Variants in GRIN2A observed in about 807,000 individuals in gnomAD.
GRIN2A encodes the protein glutamate ionotropic receptor NMDA type subunit 2A.
A neutral mutation model predicts 113.4 loss-of-function variants in GRIN2A; 22 were observed. The ratio of observed to expected loss-of-function variants is 0.19; its 90% CI spans 0.14 to 0.28. The LOEUF is 0.28. Ranked by LOEUF, GRIN2A falls within the 10% of genes least tolerant of loss-of-function variation. The pLI is 1.00. For missense variants in GRIN2A, 1,502 were observed against 1,887.0 expected, an observed-to-expected ratio of 0.80 and a Z score of 3.78; for synonymous variants, 827 against 738.4, an observed-to-expected ratio of 1.12 and a Z score of -1.94.
chr16:10,143,578 A>AC (rs1412380205), intron 2 of GRIN2A, among the ~76,000 whole-genome samples: 10 of 152,222 alleles, frequency 6.6e-5, no homozygotes, highest in African/African-American at 2.4e-4. Flanking sequence ...TAATATACTT[A>AC]CTGAAACTTT....
intron 4 of GRIN2A, among the ~76,000 whole-genome samples, chr16:9,878,854 GACACACACAC>G (rs35475437): frequency 6.7e-6 from 1 of 149,112 alleles, no homozygotes; most frequent in Non-Finnish European, 1.5e-5. Context: ...ACCAGTGCAA[GACACACACAC>G]ACACACACAC....
At chr16:10,064,622 G>T (rs7190475) in intron 2 of GRIN2A, among the ~76,000 whole-genome samples, 75,638 of 152,018 alleles carry the variant, frequency 0.5, 19,446 homozygotes, top group African/African-American at 0.63. Flanking sequence ...TATTTGAAAT[G>T]GCAAGAGAAA....
intron 2 of GRIN2A, among the ~76,000 whole-genome samples, chr16:10,086,352 T>C (rs1424767809): frequency 6.6e-6 from 1 of 152,080 alleles, no homozygotes; most frequent in Non-Finnish European, 1.5e-5. Flanking sequence ...GGAGCAATGA[T>C]GCCAAAAATA....
intron 5 of GRIN2A, among the ~76,000 whole-genome samples, chr16:9,843,878 G>C (rs1383679684): frequency 6.6e-6 from 1 of 152,182 alleles, no homozygotes; most frequent in Non-Finnish European, 1.5e-5. Flanking sequence ...AGTTAAAACT[G>C]CCACAAATAT....
At chr16:9,779,080 G>C (rs192466184) in intron 11 of GRIN2A, among the ~76,000 whole-genome samples, 1 of 152,232 alleles carries the variant, frequency 6.6e-6, no homozygotes, top group Non-Finnish European at 1.5e-5. Flanking sequence ...CCAACTAGTG[G>C]TACATAAAAG....
rs113721965 is a variant in GRIN2A at position 10,078,991 on chromosome 16, C to A, written c.414+101007G>T. Among the ~76,000 whole-genome samples the A allele has an allele frequency of 5.1e-3, 778 of 152,340 alleles. 8 individuals carry two copies. Among genetic ancestry groups the A allele is most frequent in the African/African-American group, 0.018 (745 of 41,578 alleles). ...GACAGTGACAACAATAACAATACAG[C>A]CTTATGCTCATAGCTCCATTCATTC... On this transcript the variant is annotated intron_variant, in intron 2 of 12. Coordinates refer to ENST00000330684, the MANE Select transcript of GRIN2A (RefSeq NM_001134407.3).
At chr16:9,914,733 C>A (rs952673234) in intron 3 of GRIN2A, among the ~76,000 whole-genome samples, 12 of 151,796 alleles carry the variant, frequency 7.9e-5, no homozygotes, top group African/African-American at 2.7e-4. Flanking sequence ...GCTATAACAG[C>A]TTAATCACCT....
intron 2 of GRIN2A, among the ~76,000 whole-genome samples, chr16:9,987,870 A>G (rs1009429494): frequency 6.6e-6 from 1 of 152,198 alleles, no homozygotes; most frequent in African/African-American, 2.4e-5. Context: ...ACAAAAGCCA[A>G]CATCTTTCCA....
chr16:9,897,563 A>G (rs1333043954), intron 3 of GRIN2A, among the ~76,000 whole-genome samples: 2 of 152,208 alleles, frequency 1.3e-5, no homozygotes, highest in Admixed American at 1.3e-4. Flanking sequence ...GTAAAAATAC[A>G]CACAGAATTT....
chr16:10,034,097 C>T (rs775015684), intron 2 of GRIN2A, among the ~76,000 whole-genome samples: 1 of 152,148 alleles, frequency 6.6e-6, no homozygotes, highest in African/African-American at 2.4e-5. Context: ...GCCAGGCGGC[C>T]GTGAGAACTG....
intron 11 of GRIN2A, among the ~76,000 whole-genome samples, chr16:9,788,741 T>TTC (rs199730025): frequency 0.34 from 45,050 of 133,794 alleles, 7,959 homozygotes; most frequent in African/African-American, 0.44. Context: ...TTAAGTCTTC[T>TTC]TTTTTTTTTT....
chr16:9,828,724 C>T (rs2042432376), intron 9 of GRIN2A, among the ~76,000 whole-genome samples: 1 of 152,076 alleles, frequency 6.6e-6, no homozygotes, highest in Non-Finnish European at 1.5e-5. Context: ...TTTCATTTCA[C>T]TGGAGAATGA....
chr16:9,992,226 C>T (rs372658101), intron 2 of GRIN2A, among the ~76,000 whole-genome samples: 39 of 152,196 alleles, frequency 2.6e-4, no homozygotes, highest in Non-Finnish European at 5.1e-4. Flanking sequence ...GATAGGGAAT[C>T]AATCCAAGTT....
At chr16:9,766,480 G>T (rs532951971) in intron 12 of GRIN2A, among the ~76,000 whole-genome samples, 3 of 152,306 alleles carry the variant, frequency 2.0e-5, no homozygotes, top group African/African-American at 7.2e-5. Context: ...AGGCTTCATG[G>T]TTGGTGAAGG....
chr16:10,004,645 C>T (rs1010688786), intron 2 of GRIN2A, among the ~76,000 whole-genome samples: 2 of 152,172 alleles, frequency 1.3e-5, no homozygotes, highest in Non-Finnish European at 2.9e-5. Flanking sequence ...ATGGCCCCTT[C>T]CTCCATCTTC....
chr16:10,070,602 T>G (rs1160297142), intron 2 of GRIN2A, among the ~76,000 whole-genome samples: 1 of 152,328 alleles, frequency 6.6e-6, no homozygotes, highest in Non-Finnish European at 1.5e-5. Flanking sequence ...CTAGTGACAC[T>G]GAGATATTTA....
intron 2 of GRIN2A, among the ~76,000 whole-genome samples, chr16:9,986,833 T>C (rs997715547): frequency 1.3e-5 from 2 of 151,430 alleles, no homozygotes; most frequent in African/African-American, 4.9e-5. Flanking sequence ...GATCTAGATA[T>C]CACCTTTTCC....
intron 2 of GRIN2A, among the ~76,000 whole-genome samples, chr16:10,126,885 TC>T (rs1001602408): frequency 5.9e-5 from 9 of 152,296 alleles, no homozygotes; most frequent in Admixed American, 5.9e-4. Context: ...ACAGCACCAG[TC>T]TACACTTTTT....
chr16:10,025,176 A>G (rs1397303168), intron 2 of GRIN2A, among the ~76,000 whole-genome samples: 5 of 151,938 alleles, frequency 3.3e-5, no homozygotes, highest in Non-Finnish European at 7.4e-5. Flanking sequence ...AGAAGACTGG[A>G]GATTACTAAT....
Sources: allele counts gnomAD v4.1 joint callset (sites outside exome capture counted in the v4.1 genomes callset), GRCh38; gene constraint gnomAD v4.1.1; transcripts MANE v1.5; gene names NCBI Gene and HGNC (gene_info 2026-07-23, HGNC 2026-07-21).